Variants in PRXL2B observed in about 807,000 individuals in gnomAD.
PRXL2B encodes the protein prostamide/prostaglandin F synthase.
Under a neutral mutation model 24.4 loss-of-function variants are expected in PRXL2B, and 26 were observed. The ratio of observed to expected loss-of-function variants is 1.07; its 90% CI spans 0.78 to 1.48. PRXL2B has a LOEUF of 1.48. Ranked by LOEUF, PRXL2B falls within the 40% of genes most tolerant of loss-of-function variation. The pLI is 0.00. For synonymous variants in PRXL2B, 115 were observed against 118.9 expected (o/e 0.97, Z 0.21); for missense variants, 269 against 264.8 (o/e 1.02, Z -0.11).
Position 2,588,695 on chromosome 1 carries a change from G to T in PRXL2B, c.460+70G>T. On this transcript the variant is annotated intron_variant, in intron 5 of 6. Transcript: ENST00000419916. Reference sequence around the variant, plus strand: ...TGCTGAACTTGGTGGCCCAGCCCAGGCCCTCTCTCTGGCTTGTCAGTCTCA... The same window carrying T: ...TGCTGAACTTGGTGGCCCAGCCCAGTCCCTCTCTCTGGCTTGTCAGTCTCA... The T allele has an allele frequency of 2.0e-6, 3 of 1,532,344 alleles. No individual in the cohort carries two copies. The South Asian group carries it at 3.4e-5, about 17-fold the overall frequency. The allele number at this position is 1,532,344 out of a possible 1,614,324, so 94.9% of individuals were successfully genotyped here. A position where few individuals can be genotyped will look rare whatever the true frequency, so the allele number is the denominator to read the frequency against.
At chr1:2,589,098 G>A in intron 6 of PRXL2B, 58 bp downstream of exon 6, 1 of 1,511,728 alleles carries the variant, frequency 6.6e-7, no homozygotes. Flanking sequence ...TAGGTCCCCT[G>A]GGAGGAGCAC....
chr1:2,589,785 A>C lies in PRXL2B; in HGVS notation c.*358A>C. On this transcript the variant is annotated 3_prime_UTR_variant, in exon 7 of 7. Coordinates refer to ENST00000419916, the MANE Select transcript of PRXL2B (RefSeq NM_152371.5). ...ACCTCACTGCCCCGTCACTCCCTTC[A>C]AAGGCGACAGACCCAAGCCCACGTC... 1 of 377,024 alleles carries C rather than the reference A, an allele frequency of 2.7e-6. No individual in the cohort carries two copies. Among genetic ancestry groups the C allele is most frequent in the African/African-American group, 2.1e-5 (1 of 47,930 alleles). The allele number at this position is 377,024 out of a possible 1,614,324, so 23.4% of individuals were successfully genotyped here. A position where few individuals can be genotyped will look rare whatever the true frequency, so the allele number is the denominator to read the frequency against.
In PRXL2B at chr1:2,591,095, G is replaced by GGTGGGT; in HGVS notation, c.*1670_*1675dup. The GGTGGGT allele has an allele frequency of 6.4e-7, 1 of 1,552,786 alleles. No individual in the cohort carries two copies. Among genetic ancestry groups the GGTGGGT allele is most frequent in the Non-Finnish European group, 8.7e-7 (1 of 1,150,210 alleles). ...TCTGCAGCGACCCCAGTACCCTGTG[G>GGTGGGT]GTGGGTGGGTGTGACAGCAGGAGCA... On this transcript the variant is annotated 3_prime_UTR_variant, in exon 7 of 7. Transcript: ENST00000419916.
chr1:2,587,734 T>C lies in PRXL2B; in HGVS notation c.269-7T>C, dbSNP rs1361854167. Reference sequence around the variant, plus strand: ...TGGGGCACACACATGTGGCTTCCGCTTTCCAGAGCTCTACCTGGATGAGAG... The same window carrying C: ...TGGGGCACACACATGTGGCTTCCGCCTTCCAGAGCTCTACCTGGATGAGAG... On this transcript the variant is annotated splice_region_variant and splice_polypyrimidine_tract_variant and intron_variant, in intron 2 of 6. Transcript: ENST00000419916. This position sits in a 1 kb window ranked among gnomAD's most constrained non-coding sequence, Gnocchi z 6.1. The C allele has an allele frequency of 6.2e-7, 1 of 1,600,992 alleles. No individual in the cohort carries two copies. The highest frequency in any genetic ancestry group is 8.5e-7 in the Non-Finnish European group (1 of 1,174,060).
Position 2,587,168 on chromosome 1 carries a change from C to G in PRXL2B, c.141C>G (p.Cys47Trp). The G allele has an allele frequency of 6.4e-7, 1 of 1,553,894 alleles. No individual in the cohort carries two copies. Among genetic ancestry groups the G allele is most frequent in the South Asian group, 1.2e-5 (1 of 85,460 alleles). Residue 47 changes from cysteine to tryptophan, a missense_variant, in exon 2 of 7, where the codon TGC (cysteine) becomes TGG (tryptophan). Coordinates refer to ENST00000419916, the MANE Select transcript of PRXL2B (RefSeq NM_152371.5). This position sits in a 1 kb window ranked among gnomAD's most constrained non-coding sequence, Gnocchi z 6.1. ...AGLRRFGCVVCRWIAQDLSSL... is the reference protein window; with the variant it reads ...AGLRRFGCVVWRWIAQDLSSL... ...TGCGGCGCTTCGGGTGCGTGGTGTG[C>G]CGCTGGATCGCCCAGGACCTCAGCA...
rs1323139908 is a variant in PRXL2B, at chr1:2,589,015, A to G, written c.554A>G (p.Glu185Gly). 6.2e-7 allele frequency: 1 copy of G among 1,613,068 alleles called. No individual in the cohort carries two copies. Among genetic ancestry groups the G allele is most frequent in the Admixed American group, 1.7e-5 (1 of 60,022 alleles). The change falls in exon 6 of 7, where the codon GAG becomes GGG. Residue 185 changes from glutamate to glycine, a missense_variant. Glu to Gly is a moderately conservative substitution (Grantham distance 98). Coordinates refer to ENST00000419916, the MANE Select transcript of PRXL2B (RefSeq NM_152371.5). ...CTGCAGGTCCTGGGCATCTCTGCGGAGGTCTGTGCCAGCGACCCGCCTCAG... is the reference window on the plus strand; with the variant it reads ...CTGCAGGTCCTGGGCATCTCTGCGGGGGTCTGTGCCAGCGACCCGCCTCAG... ...HILQVLGISA[E>G]VCASDPPQCD...
rs2296443 is a variant in PRXL2B, at chr1:2,590,953, G to C, written c.*1526G>C. On this transcript the variant is annotated 3_prime_UTR_variant, in exon 7 of 7. Transcript: ENST00000419916. ...CTTCGCACAGATGCCTCCGAGCAGC[G>C]GGTGGGCGTGGGCCGCACAGCGCGG... is the stretch of plus-strand genomic sequence containing the variant. The C allele has an allele frequency of 7.0e-7, 1 of 1,431,716 alleles. No homozygotes were observed. Among genetic ancestry groups the C allele is most frequent in the Non-Finnish European group, 9.3e-7 (1 of 1,079,924 alleles). 88.7% of individuals were successfully genotyped at this position (1,431,716 alleles called of 1,614,324 possible).
At position 2,588,469 on chromosome 1, in the gene PRXL2B, G is replaced by A. The variant is rs752054416; in HGVS notation, c.384+16G>A. 36 of 1,613,988 alleles carry A rather than the reference G, an allele frequency of 2.2e-5. No individual in the cohort carries two copies. Among genetic ancestry groups the A allele is most frequent in the Non-Finnish European group, 2.9e-5 (34 of 1,179,974 alleles). ...GGCTGCCAAGGTGTGTGCGGGTCAAGGGTGTACAGGCCGGGGGGTGGTGGG... is the reference window on the plus strand; with the variant it reads ...GGCTGCCAAGGTGTGTGCGGGTCAAAGGTGTACAGGCCGGGGGGTGGTGGG... On this transcript the variant is annotated intron_variant, in intron 4 of 6. Coordinates refer to ENST00000419916, the MANE Select transcript of PRXL2B (RefSeq NM_152371.5).
chr1:2,587,384 C>T lies in PRXL2B; in HGVS notation c.268+89C>T. On this transcript the variant is annotated intron_variant, in intron 2 of 6. Coordinates refer to ENST00000419916, the MANE Select transcript of PRXL2B (RefSeq NM_152371.5). This position sits in a 1 kb window ranked among gnomAD's most constrained non-coding sequence, Gnocchi z 6.1. ...CCTTTCCTGCCCAACCCCGGCCCTT[C>T]TGTCTGCTGGAGCGGCCTTGATATG... 6.9e-7 allele frequency: 1 copy of T among 1,440,282 alleles called. No individual in the cohort carries two copies. The highest frequency in any genetic ancestry group is 9.4e-7 in the Non-Finnish European group (1 of 1,067,130). The allele number at this position is 1,440,282 out of a possible 1,614,324, so 89.2% of individuals were successfully genotyped here. A position where few individuals can be genotyped will look rare whatever the true frequency, so the allele number is the denominator to read the frequency against.
upstream of PRXL2B, chr1:2,586,580 G>T (rs1227011267): frequency 2.0e-6 from 1 of 493,404 alleles, no homozygotes; most frequent in Non-Finnish European, 3.2e-6. Flanking sequence ...CGATCTCGAG[G>T]CTTGGCCTGG....
Position 2,587,404 on chromosome 1 carries a change from G to T in PRXL2B, c.268+109G>T, listed in dbSNP as rs1644551153. On this transcript the variant is annotated intron_variant, in intron 2 of 6. Coordinates refer to ENST00000419916, the MANE Select transcript of PRXL2B (RefSeq NM_152371.5). This position sits in a 1 kb window ranked among gnomAD's most constrained non-coding sequence, Gnocchi z 6.1. ...CCCTTCTGTCTGCTGGAGCGGCCTT[G>T]ATATGCCCACGGGTCAGCGTCCCTC... 1 of 1,282,302 alleles carries T rather than the reference G, an allele frequency of 7.8e-7. No homozygotes were observed. Among genetic ancestry groups the T allele is most frequent in the Non-Finnish European group, 1.1e-6 (1 of 927,788 alleles). The allele number at this position is 1,282,302 out of a possible 1,614,324, so 79.4% of individuals were successfully genotyped here.
Position 2,590,947 on chromosome 1 carries a change from A to G in PRXL2B, c.*1520A>G, listed in dbSNP as rs891304741. The G allele has an allele frequency of 9.2e-6, 13 of 1,418,080 alleles. No homozygotes were observed. In the Admixed American group the frequency reaches 3.6e-4, roughly 39 times the overall value. The allele number at this position is 1,418,080 out of a possible 1,614,324, so 87.8% of individuals were successfully genotyped here. On this transcript the variant is annotated 3_prime_UTR_variant, in exon 7 of 7. Transcript: ENST00000419916. ...CTGCACCTTCGCACAGATGCCTCCGAGCAGCGGGTGGGCGTGGGCCGCACA... is the reference window on the plus strand; with the variant it reads ...CTGCACCTTCGCACAGATGCCTCCGGGCAGCGGGTGGGCGTGGGCCGCACA...
Position 2,587,302 on chromosome 1 carries a change from C to T in PRXL2B, c.268+7C>T, listed in dbSNP as rs1416827765. On this transcript the variant is annotated splice_region_variant and intron_variant, in intron 2 of 6. Transcript: ENST00000419916. The surrounding 1 kb of genome is among the most constrained non-coding windows in gnomAD (Gnocchi z 6.1). ...GGCGACTACTTCGCGGGAGGTGCGTCCTGTTCCCCGCCGCGGCGGCGCACA... is the reference window on the plus strand; with the variant it reads ...GGCGACTACTTCGCGGGAGGTGCGTTCTGTTCCCCGCCGCGGCGGCGCACA... The T allele has an allele frequency of 1.3e-5, 20 of 1,557,834 alleles. No individual in the cohort carries two copies. The highest frequency in any genetic ancestry group is 1.7e-5 in the Non-Finnish European group (20 of 1,158,042).
rs761493132 is a variant in PRXL2B, at chr1:2,588,444, G to A, written c.375G>A (p.Val125=). 3 of 1,614,154 alleles carry A rather than the reference G, an allele frequency of 1.9e-6. No homozygotes were observed. In the South Asian group the frequency reaches 3.3e-5, roughly 18 times the overall value. ...CTCTGGGGAAGCCCGTGCGTGATGTGGCTGCCAAGGTGTGTGCGGGTCAAG... is the reference window on the plus strand; with the variant it reads ...CTCTGGGGAAGCCCGTGCGTGATGTAGCTGCCAAGGTGTGTGCGGGTCAAG... ...PAALGKPVRD[V]AAKAKAVGIQ... The change falls in exon 4 of 7, where the codon GTG becomes GTA. Residue 125 remains valine, a synonymous_variant. Coordinates refer to ENST00000419916, the MANE Select transcript of PRXL2B (RefSeq NM_152371.5).
At chr1:2,588,484 G>T (rs1040062775) in intron 4 of PRXL2B, 31 bp downstream of exon 4, 30 of 1,613,800 alleles carry the variant, frequency 1.9e-5, no homozygotes, top group Non-Finnish European at 2.5e-5. Context: ...TACAGGCCGG[G>T]GGGTGGTGGG....
In PRXL2B at chr1:2,587,413, A is replaced by T; in HGVS notation, c.268+118A>T. ...CTGCTGGAGCGGCCTTGATATGCCC[A>T]CGGGTCAGCGTCCCTCATCTCTCCC... On this transcript the variant is annotated intron_variant, in intron 2 of 6. Coordinates refer to ENST00000419916, the MANE Select transcript of PRXL2B (RefSeq NM_152371.5). The surrounding 1 kb of genome is among the most constrained non-coding windows in gnomAD (Gnocchi z 6.1). 8.3e-7 allele frequency: 1 copy of T among 1,200,236 alleles called. No homozygotes were observed. The highest frequency in any genetic ancestry group is 1.2e-6 in the Non-Finnish European group (1 of 853,760). 74.3% of individuals were successfully genotyped at this position (1,200,236 alleles called of 1,614,324 possible). A position where few individuals can be genotyped will look rare whatever the true frequency, so the allele number is the denominator to read the frequency against.
chr1:2,589,658 C>G lies in PRXL2B; in HGVS notation c.*231C>G, dbSNP rs1395386164. On this transcript the variant is annotated 3_prime_UTR_variant, in exon 7 of 7. Coordinates refer to ENST00000419916, the MANE Select transcript of PRXL2B (RefSeq NM_152371.5). ...CCCGCCTTGCTCACTGTTGGGCCCT[C>G]AGGGCGGGCAGGGTGGCTGTGAGTC... The G allele has an allele frequency of 5.0e-6, 3 of 599,410 alleles. No individual in the cohort carries two copies. Among genetic ancestry groups the G allele is most frequent in the Admixed American group, 3.1e-5 (1 of 32,502 alleles). 37.1% of individuals were successfully genotyped at this position (599,410 alleles called of 1,614,324 possible).
chr1:2,587,862 C>T lies in PRXL2B; in HGVS notation c.320+70C>T. The T allele has an allele frequency of 5.3e-6, 8 of 1,505,930 alleles. No homozygotes were observed. Among genetic ancestry groups the T allele is most frequent in the Non-Finnish European group, 7.2e-6 (8 of 1,110,784 alleles). 93.3% of individuals were successfully genotyped at this position (1,505,930 alleles called of 1,614,324 possible). On this transcript the variant is annotated intron_variant, in intron 3 of 6. Transcript: ENST00000419916. This position sits in a 1 kb window ranked among gnomAD's most constrained non-coding sequence, Gnocchi z 6.1. Reference sequence around the variant, plus strand: ...CAGGGGTTCCCACCGCTCCCTGCCACCTCCTCTCCCTGCTGCCCTCTGTGG... The same window carrying T: ...CAGGGGTTCCCACCGCTCCCTGCCATCTCCTCTCCCTGCTGCCCTCTGTGG...
rs1411305894 is a variant in PRXL2B, at chr1:2,587,033, C to T, written c.64-58C>T. ...GGCAGCGATGGGGTGGTGGGGGCCG[C>T]GGGGCCTGGGCGGGGCTGGGGGCAA... On this transcript the variant is annotated intron_variant, in intron 1 of 6. Coordinates refer to ENST00000419916, the MANE Select transcript of PRXL2B (RefSeq NM_152371.5). This position sits in a 1 kb window ranked among gnomAD's most constrained non-coding sequence, Gnocchi z 6.1. The T allele has an allele frequency of 2.2e-5, 5 of 224,692 alleles. No individual in the cohort carries two copies. The highest frequency in any genetic ancestry group is 1.4e-4 in the African/African-American group (3 of 21,196). The allele number at this position is 224,692 out of a possible 1,614,324, so 13.9% of individuals were successfully genotyped here.
Sources: allele counts gnomAD v4.1 joint callset, GRCh38; gene constraint gnomAD v4.1.1; non-coding constraint Gnocchi (gnomAD v3.1); transcripts MANE v1.5; gene names NCBI Gene and HGNC (gene_info 2026-07-23, HGNC 2026-07-21).